ADGRL2: variants seen among roughly 807,000 people sequenced by gnomAD.
The protein encoded by ADGRL2 is adhesion G protein-coupled receptor L2, also known as calcium-independent alpha-latrotoxin receptor 2.
Under a neutral mutation model 157.4 loss-of-function variants are expected in ADGRL2, and 44 were observed. That is an observed-to-expected ratio of 0.28 (90% CI 0.22 to 0.36). The LOEUF (loss-of-function observed/expected upper bound fraction) is 0.36, where lower values mean the gene tolerates loss of function less well. Among genes scored for constraint, ADGRL2 ranks in the 10% least tolerant of loss-of-function variants. The pLI, the probability that ADGRL2 is intolerant of heterozygous loss-of-function variation, is 1.00. For synonymous variants in ADGRL2, 585 were observed against 624.7 expected (o/e 0.94, Z 0.95); for missense variants, 1,510 against 1,768.9 (o/e 0.85, Z 2.63).
At chr1:81,655,222 G>A (rs887214061) in intron 3 of ADGRL2, among the ~76,000 whole-genome samples, 6 of 152,132 alleles carry the variant, frequency 3.9e-5, no homozygotes, top group Admixed American at 1.3e-4. Flanking sequence ...GGATGATCTC[G>A]ATCTCCTGAC....
At chr1:81,849,945 G>C (rs557482578) in intron 2 of ADGRL2, among the ~76,000 whole-genome samples, 6 of 151,970 alleles carry the variant, frequency 3.9e-5, no homozygotes, top group African/African-American at 1.4e-4. Flanking sequence ...ACACAGATCA[G>C]AGGCTCATTT....
chr1:81,990,352 A>G (rs760206890), intron 23 of ADGRL2, 39 bp from the exon 24 acceptor site: 3 of 1,588,412 alleles, frequency 1.9e-6, no homozygotes, highest in Middle Eastern at 3.4e-4. Context: ...GTGGAAAGGA[A>G]CAGAGACAGT....
chr1:81,450,333 G>GTT (rs1307356914), intron 2 of ADGRL2, among the ~76,000 whole-genome samples: 4 of 152,082 alleles, frequency 2.6e-5, no homozygotes, highest in Admixed American at 2.0e-4. Context: ...ATACCATTAG[G>GTT]TACTGAGAGT....
chr1:81,833,817 CAT>C (rs975877002), intron 1 of ADGRL2, among the ~76,000 whole-genome samples: 18 of 152,134 alleles, frequency 1.2e-4, no homozygotes, highest in Middle Eastern at 6.3e-3. Context: ...ACAGCTGAAG[CAT>C]ATTCCTGGAA....
At chr1:81,891,232 A>G (rs2094256290) in intron 2 of ADGRL2, among the ~76,000 whole-genome samples, 2 of 151,550 alleles carry the variant, frequency 1.3e-5, no homozygotes, top group African/African-American at 2.4e-5. Flanking sequence ...TTTTTATTCT[A>G]TTACATTGTT....
intron 3 of ADGRL2, among the ~76,000 whole-genome samples, chr1:81,924,739 G>C (rs924088826): frequency 1.5e-4 from 23 of 152,026 alleles, no homozygotes; most frequent in Non-Finnish European, 2.8e-4. Flanking sequence ...TCAGGGGTTT[G>C]GAGCCGAATT....
chr1:81,317,486 A>G (rs1279601367), intron 1 of ADGRL2, among the ~76,000 whole-genome samples: 2 of 152,156 alleles, frequency 1.3e-5, no homozygotes, highest in African/African-American at 4.8e-5. Context: ...TGACTTTTCT[A>G]TATCCCATTC....
intron 1 of ADGRL2, chr1:81,722,265 C>A: frequency 2.3e-6 from 1 of 433,242 alleles, no homozygotes; most frequent in South Asian, 2.0e-5. Context: ...TGCACTCCAG[C>A]CTGGGCGACA....
At chr1:81,748,949 T>C (rs2085403596) in intron 1 of ADGRL2, among the ~76,000 whole-genome samples, 1 of 152,174 alleles carries the variant, frequency 6.6e-6, no homozygotes, top group African/African-American at 2.4e-5. Context: ...CTTATAGGGG[T>C]GAGCCACTGT....
chr1:81,924,970 G>C (rs777151218), intron 3 of ADGRL2, among the ~76,000 whole-genome samples: 1 of 152,058 alleles, frequency 6.6e-6, no homozygotes, highest in African/African-American at 2.4e-5. Flanking sequence ...TAAATTAAGG[G>C]AGAAGGATCC....
At chr1:81,308,587 G>A (rs1659514787) in intron 1 of ADGRL2, among the ~76,000 whole-genome samples, 1 of 152,152 alleles carries the variant, frequency 6.6e-6, no homozygotes, top group South Asian at 2.1e-4. Context: ...CAGAGAAAAT[G>A]CAAACAATGA....
intron 4 of ADGRL2, among the ~76,000 whole-genome samples, chr1:81,938,046 A>T (rs1235095315): frequency 1.3e-5 from 2 of 151,772 alleles, no homozygotes; most frequent in Middle Eastern, 3.2e-3. Flanking sequence ...CTCTGTGTTC[A>T]TGTGTTACTG....
chr1:81,697,196 T>C (rs2083462479), upstream of ADGRL2, among the ~76,000 whole-genome samples: 1 of 152,144 alleles, frequency 6.6e-6, no homozygotes, highest in Non-Finnish European at 1.5e-5. Flanking sequence ...CCCTGGACCT[T>C]ATCAACCATG....
rs546139911 is a variant in ADGRL2, at chr1:81,743,866, G to GCTAACCT, written c.-142-17944_-142-17938dup. ...TGTGCTTTGAAAAGTGCCCAGCATT[G>GCTAACCT]CTAACCTGTGTCAGCATTTGATGTC... On this transcript the variant is annotated intron_variant, in intron 1 of 20. Coordinates refer to the ADGRL2 transcript ENST00000359929. Among the ~76,000 whole-genome samples, 28 of 152,182 alleles carry GCTAACCT rather than the reference G, an allele frequency of 1.8e-4. No homozygotes were observed. In the South Asian group the frequency reaches 5.8e-3, roughly 32 times the overall value.
chr1:81,374,694 G>C (rs1175449134), intron 1 of ADGRL2, among the ~76,000 whole-genome samples: 3 of 152,066 alleles, frequency 2.0e-5, no homozygotes, highest in African/African-American at 7.2e-5. Flanking sequence ...TGCACTTCCT[G>C]ACTGTGGTAG....
intron 3 of ADGRL2, among the ~76,000 whole-genome samples, chr1:81,613,174 T>C (rs1570638799): frequency 6.6e-6 from 1 of 152,212 alleles, no homozygotes; most frequent in East Asian, 1.9e-4. Flanking sequence ...ACGTTACCTA[T>C]AGAACTGAGA....
At chr1:81,830,718 G>C (rs145798087) in intron 1 of ADGRL2, among the ~76,000 whole-genome samples, 1,760 of 152,198 alleles carry the variant, frequency 0.012, 41 homozygotes, top group African/African-American at 0.04. Flanking sequence ...CATTGGCCAG[G>C]CTGGTCTCGA....
intron 1 of ADGRL2, among the ~76,000 whole-genome samples, chr1:81,835,633 T>C (rs1402485299): frequency 6.6e-6 from 1 of 152,082 alleles, no homozygotes; most frequent in Non-Finnish European, 1.5e-5. Flanking sequence ...CATTTTCCTT[T>C]GTTTCTTTGG....
intron 3 of ADGRL2, among the ~76,000 whole-genome samples, chr1:81,926,535 G>T (rs1253030732): frequency 6.6e-6 from 1 of 151,986 alleles, no homozygotes; most frequent in Non-Finnish European, 1.5e-5. Context: ...GTTTCTGCAA[G>T]TGCAAACTGC....
Sources: allele counts gnomAD v4.1 joint callset (sites outside exome capture counted in the v4.1 genomes callset), GRCh38; gene constraint gnomAD v4.1.1; transcripts MANE v1.5; gene names NCBI Gene and HGNC (gene_info 2026-07-23, HGNC 2026-07-21).